The following SRPK2 variants were observed in gnomAD, a reference collection of about 807,000 sequenced individuals.
SRPK2 encodes SRSF protein kinase 2.
In SRPK2, 21 loss-of-function variants were observed where a neutral mutation model predicts 90.8. The ratio of observed to expected loss-of-function variants is 0.23; its 90% CI spans 0.16 to 0.33. The LOEUF is 0.33. Ranked by LOEUF, SRPK2 falls within the 10% of genes least tolerant of loss-of-function variation. The pLI is 1.00. For missense variants in SRPK2, 620 were observed against 869.0 expected, an observed-to-expected ratio of 0.71 and a Z score of 3.60; for synonymous variants, 288 against 311.1, an observed-to-expected ratio of 0.93 and a Z score of 0.78.
intron 1 of SRPK2, among the ~76,000 whole-genome samples, chr7:105,396,834 GAGAA>G (rs1373943775): frequency 2.4e-4 from 30 of 126,170 alleles, no homozygotes; most frequent in Non-Finnish European, 4.5e-4. Flanking sequence ...GAGAGAGAGA[GAGAA>G]AGAAATAGAG....
chr7:105,285,385 C>CAAAAAAAA (rs58399129), intron 2 of SRPK2, among the ~76,000 whole-genome samples: 9 of 106,228 alleles, frequency 8.5e-5, no homozygotes, highest in African/African-American at 2.5e-4. Flanking sequence ...ACCCCGTCTC[C>CAAAAAAAA]AAAAAAAAAA....
chr7:105,222,818 C>G (rs1392761810), intron 2 of SRPK2, among the ~76,000 whole-genome samples: 3 of 152,092 alleles, frequency 2.0e-5, no homozygotes, highest in Admixed American at 6.5e-5. Flanking sequence ...GATATGGCCT[C>G]TGACCTCATG....
intron 2 of SRPK2, among the ~76,000 whole-genome samples, chr7:105,208,780 T>C (rs951308906): frequency 6.6e-6 from 1 of 152,138 alleles, no homozygotes; most frequent in East Asian, 1.9e-4. Flanking sequence ...ATATGTTACA[T>C]GAGCAAACTG....
chr7:105,194,251 C>T (rs1794644484), intron 3 of SRPK2, among the ~76,000 whole-genome samples: 1 of 151,930 alleles, frequency 6.6e-6, no homozygotes, highest in Non-Finnish European at 1.5e-5. Flanking sequence ...CCATCTCAAC[C>T]TGATAAAGGT....
chr7:105,118,994 T>G (rs1438629199), intron 15 of SRPK2, among the ~76,000 whole-genome samples: 1 of 152,150 alleles, frequency 6.6e-6, no homozygotes, highest in Non-Finnish European at 1.5e-5. Flanking sequence ...CTCTGCCTGT[T>G]TGAAGTTTTC....
intron 2 of SRPK2, among the ~76,000 whole-genome samples, chr7:105,207,374 T>C (rs1196897633): frequency 6.6e-6 from 1 of 152,136 alleles, no homozygotes; most frequent in East Asian, 1.9e-4. Flanking sequence ...TACAACACTG[T>C]AGAAGACCAA....
chr7:105,251,178 C>A (rs1197651370), intron 2 of SRPK2, among the ~76,000 whole-genome samples: 1 of 152,162 alleles, frequency 6.6e-6, no homozygotes, highest in Non-Finnish European at 1.5e-5. Context: ...TACATCAATA[C>A]ACCTTTTCCT....
At chr7:105,282,100 G>A (rs920152492) in intron 2 of SRPK2, among the ~76,000 whole-genome samples, 11 of 152,312 alleles carry the variant, frequency 7.2e-5, no homozygotes, top group South Asian at 6.2e-4. Context: ...TGAAAAGTGT[G>A]AGGAAAGAGG....
rs556808478 is a variant in SRPK2 at position 105,395,406 on chromosome 7, G to C, written n.153+3750C>G. 3.3e-5 allele frequency among the ~76,000 whole-genome samples: 5 copies of C among 151,444 alleles called. No homozygotes were observed. The South Asian group carries it at 6.3e-4, about 19-fold the overall frequency. On this transcript the variant is annotated intron_variant and non_coding_transcript_variant, in intron 1 of 3. Coordinates refer to the SRPK2 transcript ENST00000462282. ...TCTGTTGGGAGTATGGTTCAAGAAG[G>C]CCTCACCGAGAAGGTAACACTGAAT...
At chr7:105,332,658 G>C (rs980065475) in intron 2 of SRPK2, 4 of 151,952 alleles carry the variant, frequency 2.6e-5, no homozygotes, top group African/African-American at 4.8e-5. Context: ...CCAGCTACTA[G>C]GAAGGCTGGG....
intron 2 of SRPK2, among the ~76,000 whole-genome samples, chr7:105,369,125 T>TTTATTATTATTATTATTA (rs10593124): frequency 1.4e-4 from 20 of 143,320 alleles, no homozygotes; most frequent in South Asian, 6.7e-4. Flanking sequence ...CAAGATTTAT[T>TTTATTATTATTATTATTA]TTATTATTAT....
chr7:105,226,262 A>C lies in SRPK2; in HGVS notation c.72-22477T>G, dbSNP rs537640838. On this transcript the variant is annotated intron_variant, in intron 2 of 15. Coordinates refer to ENST00000393651, the MANE Select transcript of SRPK2 (RefSeq NM_182692.3). ...ATTTTGCTTGATTTTTTTTTTTAAA[A>C]AACGCACTATATATGTGCTCAAGAA... Among the ~76,000 whole-genome samples the C allele has an allele frequency of 2.4e-3, 361 of 152,262 alleles. 1 individual carries two copies. The highest frequency in any genetic ancestry group is 8.0e-3 in the African/African-American group (334 of 41,530).
chr7:105,244,929 GT>G (rs1801393471), intron 2 of SRPK2: 1 of 1,478,752 alleles, frequency 6.8e-7, no homozygotes, highest in African/African-American at 1.4e-5. Context: ...GCAAAGCAAC[GT>G]CCTGGCCGCC....
intron 11 of SRPK2, among the ~76,000 whole-genome samples, chr7:105,139,615 C>A (rs1305302709): frequency 1.3e-5 from 2 of 152,126 alleles, no homozygotes; most frequent in Non-Finnish European, 2.9e-5. Context: ...GCCTGGGCCT[C>A]CAATGATGAC....
At chr7:105,133,126 A>G in intron 11 of SRPK2, 22 bp from the exon 12 acceptor site, 1 of 1,611,080 alleles carries the variant, frequency 6.2e-7, no homozygotes, top group Non-Finnish European at 8.5e-7. Flanking sequence ...AAACAGCAGG[A>G]CAGTTAGTGA....
intron 2 of SRPK2, among the ~76,000 whole-genome samples, chr7:105,214,424 C>G (rs1305330358): frequency 6.6e-6 from 1 of 152,004 alleles, no homozygotes; most frequent in Non-Finnish European, 1.5e-5. Context: ...TATCTGATAC[C>G]CTGCAGCTCA....
chr7:105,377,148 G>A (rs1216122871), intron 2 of SRPK2, among the ~76,000 whole-genome samples: 1 of 152,032 alleles, frequency 6.6e-6, no homozygotes, highest in Non-Finnish European at 1.5e-5. Flanking sequence ...CGCCCTTCTT[G>A]AAATGCTGTA....
chr7:105,187,121 T>C (rs1793681806), intron 3 of SRPK2, among the ~76,000 whole-genome samples: 1 of 152,212 alleles, frequency 6.6e-6, no homozygotes, highest in African/African-American at 2.4e-5. Flanking sequence ...AAGGCTAAGT[T>C]TGAGGATAAT....
At chr7:105,328,212 A>G (rs1813820490) in intron 2 of SRPK2, among the ~76,000 whole-genome samples, 1 of 152,202 alleles carries the variant, frequency 6.6e-6, no homozygotes, top group Non-Finnish European at 1.5e-5. Context: ...GCAGGAGGGT[A>G]GATTGCAGAG....
Sources: allele counts gnomAD v4.1 joint callset (sites outside exome capture counted in the v4.1 genomes callset), GRCh38; gene constraint gnomAD v4.1.1; transcripts MANE v1.5; gene names NCBI Gene and HGNC (gene_info 2026-07-23, HGNC 2026-07-21).